EYS: variants seen among roughly 807,000 people sequenced by gnomAD.
EYS encodes the protein protein eyes shut homolog.
A neutral mutation model predicts 282.1 loss-of-function variants in EYS; 250 were observed. The observed-to-expected ratio is 0.89, with a 90% CI of 0.80 to 0.98. The LOEUF (loss-of-function observed/expected upper bound fraction) is 0.98, where lower values mean the gene tolerates loss of function less well. Among genes scored for constraint, EYS ranks in the 50% least tolerant of loss-of-function variants. The probability of loss-of-function intolerance (pLI) is 0.00; values close to 1 mark genes in which losing one functional copy is unlikely to be tolerated. For missense variants in EYS, 4,016 were observed against 3,709.0 expected (o/e 1.08, Z -2.15); for synonymous variants, 1,355 against 1,282.9 (o/e 1.06, Z -1.20).
chr6:64,884,789 C>T (rs575036309), intron 19 of EYS, among the ~76,000 whole-genome samples: 1 of 151,714 alleles, frequency 6.6e-6, no homozygotes, highest in African/African-American at 2.4e-5. Context: ...AACTGTAACA[C>T]ATATTTCATA....
chr6:65,081,619 A>G lies in EYS; in HGVS notation c.2024-23892T>C, dbSNP rs548318627. On this transcript the variant is annotated intron_variant, in intron 12 of 42. Transcript: ENST00000503581. ...TTGATATGAATTTCACTTAAAGAGA[A>G]TTTTGACAGCACAAACTTTCACATT... Among the ~76,000 whole-genome samples the G allele has an allele frequency of 2.9e-3, 448 of 152,176 alleles. 2 individuals carry two copies. Among genetic ancestry groups the G allele is most frequent in the Middle Eastern group, 0.014 (4 of 294 alleles).
intron 7 of EYS, among the ~76,000 whole-genome samples, chr6:65,390,191 C>T (rs1765964364): frequency 6.6e-6 from 1 of 151,286 alleles, no homozygotes; most frequent in South Asian, 2.1e-4. Context: ...AAATAATTAT[C>T]AAAAAATTTA....
intron 12 of EYS, among the ~76,000 whole-genome samples, chr6:65,065,384 A>ATT (rs34618936): frequency 4.1e-4 from 58 of 143,004 alleles, no homozygotes; most frequent in Non-Finnish European, 5.2e-4. Context: ...GAAAAAAACA[A>ATT]TTTTTTTTTT....
At chr6:65,453,439 G>A (rs915892275) in intron 5 of EYS, among the ~76,000 whole-genome samples, 2 of 151,846 alleles carry the variant, frequency 1.3e-5, no homozygotes, top group Admixed American at 6.6e-5. Context: ...ACACTTTGAG[G>A]TTTCAATACA....
At chr6:65,240,135 A>AT (rs1194074917) in intron 12 of EYS, among the ~76,000 whole-genome samples, 2 of 151,618 alleles carry the variant, frequency 1.3e-5, no homozygotes, top group African/African-American at 2.4e-5. Flanking sequence ...CACCCAGCTA[A>AT]TTTTTTGTAT....
At chr6:63,978,551 GA>G (rs1401619609) in intron 35 of EYS, among the ~76,000 whole-genome samples, 1 of 151,928 alleles carries the variant, frequency 6.6e-6, no homozygotes, top group Non-Finnish European at 1.5e-5. Flanking sequence ...GTATTTAGAA[GA>G]ATAGGGTAGA....
intron 13 of EYS, among the ~76,000 whole-genome samples, chr6:65,038,013 A>C (rs748593184): frequency 6.6e-6 from 1 of 151,616 alleles, no homozygotes; most frequent in Non-Finnish European, 1.5e-5. Flanking sequence ...TTTCAACAAT[A>C]TCTACAAATT....
intron 33 of EYS, among the ~76,000 whole-genome samples, chr6:64,059,730 T>G (rs1247426884): frequency 6.6e-6 from 1 of 152,196 alleles, no homozygotes; most frequent in African/African-American, 2.4e-5. Context: ...AGTTTTACAG[T>G]AGATCTTCAC....
At chr6:64,116,057 G>C (rs1773372145) in intron 31 of EYS, among the ~76,000 whole-genome samples, 1 of 151,902 alleles carries the variant, frequency 6.6e-6, no homozygotes, top group East Asian at 1.9e-4. Context: ...GTTCAATAAA[G>C]AGATATCACA....
chr6:63,801,196 G>T (rs1209966200), intron 37 of EYS, among the ~76,000 whole-genome samples: 1 of 152,080 alleles, frequency 6.6e-6, no homozygotes, highest in African/African-American at 2.4e-5. Flanking sequence ...ATGACTGAGC[G>T]GAGAGACTAG....
At chr6:64,665,102 T>C (rs1282376349) in intron 22 of EYS, among the ~76,000 whole-genome samples, 1 of 152,206 alleles carries the variant, frequency 6.6e-6, no homozygotes, top group Admixed American at 6.5e-5. Flanking sequence ...ACAAATAATA[T>C]AGACTTTGAA....
chr6:65,582,988 C>G (rs1256669597), intron 2 of EYS, among the ~76,000 whole-genome samples: 1 of 152,014 alleles, frequency 6.6e-6, no homozygotes, highest in Non-Finnish European at 1.5e-5. Context: ...TGGTATACTA[C>G]TATTTCATTT....
At chr6:64,889,967 A>G (rs759220447) in intron 18 of EYS, among the ~76,000 whole-genome samples, 1 of 151,920 alleles carries the variant, frequency 6.6e-6, no homozygotes, top group Non-Finnish European at 1.5e-5. Flanking sequence ...ACTGGGAGAA[A>G]TATCACTGAA....
chr6:64,260,459 T>C (rs1474831), intron 30 of EYS, among the ~76,000 whole-genome samples: 104,444 of 151,900 alleles, frequency 0.69, 35,941 homozygotes, highest in South Asian at 0.71. Context: ...TCTTTGATAA[T>C]GGCAATGGGA....
At chr6:64,213,331 T>C (rs1022169938) in intron 31 of EYS, among the ~76,000 whole-genome samples, 1 of 151,994 alleles carries the variant, frequency 6.6e-6, no homozygotes, top group African/African-American at 2.4e-5. Flanking sequence ...ATAATCTGAG[T>C]CATGAGCTCA....
intron 25 of EYS, among the ~76,000 whole-genome samples, chr6:64,592,914 A>G (rs1016338602): frequency 2.0e-5 from 3 of 152,134 alleles, no homozygotes; most frequent in African/African-American, 7.2e-5. Flanking sequence ...ACATTTTTTT[A>G]CTGATCCAGA....
At chr6:64,168,519 G>C (rs959515837) in intron 31 of EYS, among the ~76,000 whole-genome samples, 3 of 152,054 alleles carry the variant, frequency 2.0e-5, no homozygotes, top group Non-Finnish European at 2.9e-5. Flanking sequence ...CTAAAAATTA[G>C]AAATAATTCA....
At chr6:63,898,504 T>TAATA (rs1554185837) in intron 35 of EYS, among the ~76,000 whole-genome samples, 2,621 of 151,406 alleles carry the variant, frequency 0.017, 73 homozygotes, top group African/African-American at 0.058. Context: ...ATAATAATAA[T>TAATA]AAAAATAAAT....
intron 13 of EYS, among the ~76,000 whole-genome samples, chr6:65,031,066 T>C (rs970915364): frequency 6.6e-6 from 1 of 151,106 alleles, no homozygotes; most frequent in Non-Finnish European, 1.5e-5. Context: ...ACATGATAAA[T>C]AGGTCAATTC....
Sources: gnomAD v4.1 joint callset for allele counts (sites outside exome capture counted in the v4.1 genomes callset) on GRCh38, gnomAD v4.1.1 for gene constraint, MANE v1.5 for transcripts, NCBI Gene and HGNC (gene_info 2026-07-23, HGNC 2026-07-21) for gene names.